The following WDR6 variants were observed in gnomAD, a reference collection of about 807,000 sequenced individuals.
WDR6 encodes the protein tRNA (34-2'-O)-methyltransferase regulator WDR6.
A neutral mutation model predicts 85.6 loss-of-function variants in WDR6; 58 were observed. That is an observed-to-expected ratio of 0.68 (90% CI 0.55 to 0.84). The LOEUF is 0.84. Ranked by LOEUF, WDR6 falls within the 40% of genes least tolerant of loss-of-function variation. The pLI is 0.00. For missense variants in WDR6, 1,310 were observed against 1,476.4 expected, an observed-to-expected ratio of 0.89 and a Z score of 1.85; for synonymous variants, 569 against 582.2, an observed-to-expected ratio of 0.98 and a Z score of 0.33.
chr3:49,014,874 C>T lies in WDR6; in HGVS notation c.2952C>T (p.Asn984=), dbSNP rs1285055606. The T allele has an allele frequency of 1.9e-6, 3 of 1,612,522 alleles. No homozygotes were observed. The highest frequency in any genetic ancestry group is 1.1e-5 in the South Asian group (1 of 90,990). ...LTLQAHSCGI[N]SLHTLPTREG... is the part of the protein sequence containing the mutation. ...TCCAGGCCCACAGCTGTGGTATCAA[C>T]AGCCTGCACACCTTGCCCACCCGTG... The change falls in exon 6 of 6, where the codon AAC becomes AAT. Residue 984 remains asparagine (N), a synonymous_variant. Coordinates refer to ENST00000608424, the MANE Select transcript of WDR6 (RefSeq NM_018031.6). The surrounding 1 kb of genome is among the most constrained non-coding windows in gnomAD (Gnocchi z 4.9).
In WDR6 at chr3:49,015,939, A is replaced by AGAG. The variant is rs2093060922; in HGVS notation, c.*652_*654dup. ...TGTGCCCCAGGCCAGAATAAAGAATAGAGTGTAGAGTGTCCTGGTTGTCTA... is the reference window on the plus strand; with the variant it reads ...TGTGCCCCAGGCCAGAATAAAGAATAGAGGAGTGTAGAGTGTCCTGGTTGTCTA... On this transcript the variant is annotated 3_prime_UTR_variant, in exon 6 of 6. Transcript: ENST00000608424. 5 of 1,614,074 alleles carry AGAG rather than the reference A, an allele frequency of 3.1e-6. No homozygotes were observed. Among genetic ancestry groups the AGAG allele is most frequent in the African/African-American group, 1.3e-5 (1 of 74,926 alleles).
Position 49,014,801 on chromosome 3 carries a change from A to T in WDR6, c.2903-24A>T. ...ACATGTGGCAGGCGGGGCCCTGACA[A>T]CTACCCTCTTCCTCTTCCTTCAGGG... On this transcript the variant is annotated intron_variant, in intron 5 of 5. Transcript: ENST00000608424. This position sits in a 1 kb window ranked among gnomAD's most constrained non-coding sequence, Gnocchi z 4.9. 1 of 1,602,262 alleles carries T rather than the reference A, an allele frequency of 6.2e-7. No individual in the cohort carries two copies. The highest frequency in any genetic ancestry group is 8.5e-7 in the Non-Finnish European group (1 of 1,172,474).
rs2093028424 is a variant in WDR6 at position 49,013,308 on chromosome 3, T to C, written c.1774T>C (p.Tyr592His). The C allele has an allele frequency of 2.5e-6, 4 of 1,614,146 alleles. No individual in the cohort carries two copies. The highest frequency in any genetic ancestry group is 3.4e-6 in the Non-Finnish European group (4 of 1,180,008). ...VYTTGRDGAY[Y>H]QLFVRDGQLQ... ...TACCACAGGGCGTGATGGAGCCTACTACCAGCTGTTTGTACGAGACGGCCA... is the reference window on the plus strand; with the variant it reads ...TACCACAGGGCGTGATGGAGCCTACCACCAGCTGTTTGTACGAGACGGCCA... Residue 592 changes from tyrosine (Y) to histidine (H), a missense_variant, in exon 2 of 6, where the codon TAC becomes CAC. Tyr to His is a moderately conservative substitution (Grantham distance 83, BLOSUM62 2). Transcript: ENST00000608424. This position sits in a 1 kb window ranked among gnomAD's most constrained non-coding sequence, Gnocchi z 4.6.
At position 49,015,535 on chromosome 3, in the gene WDR6, T is replaced by G. The variant is rs2093051267; in HGVS notation, c.*247T>G. 3.7e-6 allele frequency: 6 copies of G among 1,600,816 alleles called. No individual in the cohort carries two copies. In the South Asian group the frequency reaches 6.7e-5, roughly 18 times the overall value. On this transcript the variant is annotated 3_prime_UTR_variant, in exon 6 of 6. Transcript: ENST00000608424. ...TATTTTGGCCGTGGGTTTTTGCTTT[T>G]TTTCCAGTTGATGACTTTGTGAACA... is the stretch of plus-strand genomic sequence containing the variant.
chr3:49,007,639 G>A lies in WDR6; in HGVS notation c.100+108G>A. Reference sequence around the variant, plus strand: ...GGTGCCCTGAGGAGAAGGACGGGCAGCAGGTTGAGGCCGATCGGAGGTGGG... The same window carrying A: ...GGTGCCCTGAGGAGAAGGACGGGCAACAGGTTGAGGCCGATCGGAGGTGGG... On this transcript the variant is annotated intron_variant, in intron 1 of 5. Coordinates refer to ENST00000608424, the MANE Select transcript of WDR6 (RefSeq NM_018031.6). The surrounding 1 kb of genome is among the most constrained non-coding windows in gnomAD (Gnocchi z 5.1). The A allele has an allele frequency of 7.2e-7, 1 of 1,381,076 alleles. No individual in the cohort carries two copies. Among genetic ancestry groups the A allele is most frequent in the Non-Finnish European group, 9.4e-7 (1 of 1,060,274 alleles). 85.6% of individuals were successfully genotyped at this position (1,381,076 alleles called of 1,614,324 possible).
chr3:49,007,770 G>A lies in WDR6; in HGVS notation c.100+239G>A, dbSNP rs2092991285. On this transcript the variant is annotated intron_variant, in intron 1 of 5. Coordinates refer to ENST00000608424, the MANE Select transcript of WDR6 (RefSeq NM_018031.6). The surrounding 1 kb of genome is among the most constrained non-coding windows in gnomAD (Gnocchi z 5.1). The stretch of plus-strand genomic sequence containing the variant: ...CGGCGCTTCATAAACTTCAGCCCGC[G>A]TGGAAAGGGCGGGTGGAACCGCGGG... 7.8e-6 allele frequency: 9 copies of A among 1,155,500 alleles called. No individual in the cohort carries two copies. The South Asian group carries it at 1.9e-4, about 24-fold the overall frequency. 71.6% of individuals were successfully genotyped at this position (1,155,500 alleles called of 1,614,324 possible). A position where few individuals can be genotyped will look rare whatever the true frequency, so the allele number is the denominator to read the frequency against.
chr3:49,010,135 G>A (rs1481028013), intron 1 of WDR6, among the ~76,000 whole-genome samples: 4 of 152,030 alleles, frequency 2.6e-5, no homozygotes, highest in East Asian at 1.9e-4. Context: ...GGCTGGGCGC[G>A]GTGGCTCACG....
At chr3:49,011,175 G>A in intron 1 of WDR6, 5 of 421,186 alleles carry the variant, frequency 1.2e-5, no homozygotes, top group South Asian at 6.9e-5. Flanking sequence ...ACCTCCACCC[G>A]CTGGGTTCAA....
Position 49,013,657 on chromosome 3 carries a change from A to C in WDR6, c.2123A>C (p.Lys708Thr). The part of the protein sequence containing the change: ...GLHGREITCV[K>T]RVGTITLGPE... ...CATGGCCGTGAGATCACTTGTGTAA[A>C]GCGTGTGGGCACCATTACCCTGGGG... Residue 708 changes from lysine to threonine, a missense_variant, in exon 2 of 6, where the codon AAG becomes ACG. Coordinates refer to ENST00000608424, the MANE Select transcript of WDR6 (RefSeq NM_018031.6). This position sits in a 1 kb window ranked among gnomAD's most constrained non-coding sequence, Gnocchi z 4.6. 6.2e-7 allele frequency: 1 copy of C among 1,614,082 alleles called. No homozygotes were observed. The highest frequency in any genetic ancestry group is 8.5e-7 in the Non-Finnish European group (1 of 1,179,986).
chr3:49,013,054 T>G lies in WDR6; in HGVS notation c.1520T>G (p.Val507Gly). The G allele has an allele frequency of 6.2e-7, 1 of 1,611,956 alleles. No individual in the cohort carries two copies. The highest frequency in any genetic ancestry group is 1.3e-5 in the African/African-American group (1 of 74,932). Residue 507 changes from valine (V) to glycine (G), a missense_variant, in exon 2 of 6, where the codon GTG becomes GGG. Physicochemically the swap from Val to Gly is moderately radical, Grantham distance 109. Transcript: ENST00000608424. This position sits in a 1 kb window ranked among gnomAD's most constrained non-coding sequence, Gnocchi z 4.6. ...TTCCTACCCCCAGGTGACTTCCTGG[T>G]GTGTGGTGACCGCCGGGGCTCTGTG... Reference protein sequence around the residue: ...SAFLPPGDFLVCGDRRGSVLL... With the variant: ...SAFLPPGDFLGCGDRRGSVLL...
chr3:49,012,378 G>T lies in WDR6; in HGVS notation c.844G>T (p.Val282Leu). 1 of 1,614,180 alleles carries T rather than the reference G, an allele frequency of 6.2e-7. No homozygotes were observed. The highest frequency in any genetic ancestry group is 8.5e-7 in the Non-Finnish European group (1 of 1,180,030). ...ISAGEDCVCL[V>L]WSHEGEILQA... The stretch of plus-strand genomic sequence containing the variant: ...TGCAGGAGAGGATTGTGTCTGCTTG[G>T]TGTGGAGCCATGAAGGTGAGATCCT... Residue 282 changes from valine to leucine, a missense_variant, in exon 2 of 6, where the codon GTG (valine) becomes TTG (leucine). Physicochemically the swap from Val to Leu is conservative, Grantham distance 32. Transcript: ENST00000608424. The surrounding 1 kb of genome is among the most constrained non-coding windows in gnomAD (Gnocchi z 4.4).
rs1294790826 is a variant in WDR6 at position 49,012,373 on chromosome 3, G to C, written c.839G>C (p.Cys280Ser). The change falls in exon 2 of 6, where the codon TGC (cysteine) becomes TCC (serine). Residue 280 changes from cysteine to serine, a missense_variant. Cys to Ser is a moderately radical substitution (Grantham distance 112). Coordinates refer to ENST00000608424, the MANE Select transcript of WDR6 (RefSeq NM_018031.6). This position sits in a 1 kb window ranked among gnomAD's most constrained non-coding sequence, Gnocchi z 4.4. The part of the protein sequence containing the change: ...YLISAGEDCV[C>S]LVWSHEGEIL... ...ATCAGTGCAGGAGAGGATTGTGTCT[G>C]CTTGGTGTGGAGCCATGAAGGTGAG... is the stretch of plus-strand genomic sequence containing the variant. 13 of 1,614,080 alleles carry C rather than the reference G, an allele frequency of 8.1e-6. No homozygotes were observed. Among genetic ancestry groups the C allele is most frequent in the Non-Finnish European group, 1.1e-5 (13 of 1,180,050 alleles).
chr3:49,013,600 C>T lies in WDR6; in HGVS notation c.2066C>T (p.Thr689Ile), dbSNP rs1559897800. The T allele has an allele frequency of 1.2e-6, 2 of 1,614,076 alleles. No individual in the cohort carries two copies. The highest frequency in any genetic ancestry group is 1.7e-6 in the Non-Finnish European group (2 of 1,180,000). Residue 689 changes from threonine to isoleucine, a missense_variant, in exon 2 of 6, where the codon ACC becomes ATC. Physicochemically the swap from Thr to Ile is moderately conservative, Grantham distance 89 (BLOSUM62 -1). Coordinates refer to ENST00000608424, the MANE Select transcript of WDR6 (RefSeq NM_018031.6). This position sits in a 1 kb window ranked among gnomAD's most constrained non-coding sequence, Gnocchi z 4.6. ...CTGTACAGGGCTCTGGGTGGCTGCACCCGGCCACACGTGATTCTCCGGGAG... is the reference window on the plus strand; with the variant it reads ...CTGTACAGGGCTCTGGGTGGCTGCATCCGGCCACACGTGATTCTCCGGGAG... ...VMLYRALGGC[T>I]RPHVILREGL...
At position 49,015,832 on chromosome 3, in the gene WDR6, G is replaced by C; in HGVS notation, c.*544G>C. 4 of 1,614,178 alleles carry C rather than the reference G, an allele frequency of 2.5e-6. No homozygotes were observed. The highest frequency in any genetic ancestry group is 3.4e-6 in the Non-Finnish European group (4 of 1,180,040). The stretch of plus-strand genomic sequence containing the variant: ...CAGGATGTGTACCCGGTTGTAGTAG[G>C]AGCTGAAATCCATGCTGAGCTGTAC... On this transcript the variant is annotated 3_prime_UTR_variant, in exon 6 of 6. Coordinates refer to ENST00000608424, the MANE Select transcript of WDR6 (RefSeq NM_018031.6).
chr3:49,007,506 G>A lies in WDR6; in HGVS notation c.75G>A (p.Glu25=). The change falls in exon 1 of 6, where the codon GAG becomes GAA. Residue 25 remains glutamate, a synonymous_variant. Coordinates refer to ENST00000608424, the MANE Select transcript of WDR6 (RefSeq NM_018031.6). This position sits in a 1 kb window ranked among gnomAD's most constrained non-coding sequence, Gnocchi z 5.1. ...ELILLPVTGL[E]CVGDRLLAGE... ...TACTCCTCCCAGTGACGGGTCTGGA[G>A]TGCGTGGGGGACCGGCTGTTGGCGG... 6.2e-7 allele frequency: 1 copy of A among 1,601,398 alleles called. No homozygotes were observed. The highest frequency in any genetic ancestry group is 1.1e-5 in the South Asian group (1 of 90,698).
At chr3:49,008,231 A>G (rs144428379) in intron 1 of WDR6, 23 of 152,432 alleles carry the variant, frequency 1.5e-4, no homozygotes, top group African/African-American at 5.1e-4. Context: ...CCGGGTCGCA[A>G]AGGACAGGCG....
In WDR6 at chr3:49,011,972, G is replaced by A. The variant is rs1025693168; in HGVS notation, c.438G>A (p.Gly146=). The change falls in exon 2 of 6, where the codon GGG becomes GGA. Residue 146 remains glycine, a synonymous_variant. Coordinates refer to ENST00000608424, the MANE Select transcript of WDR6 (RefSeq NM_018031.6). ...TGGTGCTATATGACCCTGTAGTAGG[G>A]TGCATCCTGCAAGAGGTGCCCTGCA... ...NSVVLYDPVV[G]CILQEVPCTD... is the part of the protein sequence containing the mutation. The A allele has an allele frequency of 6.2e-7, 1 of 1,614,204 alleles. No homozygotes were observed. Among genetic ancestry groups the A allele is most frequent in the Non-Finnish European group, 8.5e-7 (1 of 1,180,030 alleles).
Position 49,012,829 on chromosome 3 carries a change from C to T in WDR6, c.1295C>T (p.Thr432Ile), listed in dbSNP as rs781379994. 13 of 1,613,724 alleles carry T rather than the reference C, an allele frequency of 8.1e-6. No individual in the cohort carries two copies. The South Asian group carries it at 1.4e-4, about 18-fold the overall frequency. Residue 432 changes from threonine to isoleucine, a missense_variant, in exon 2 of 6, where the codon ACC (threonine) becomes ATC (isoleucine). Physicochemically the swap from Thr to Ile is moderately conservative, Grantham distance 89. Transcript: ENST00000608424. The surrounding 1 kb of genome is among the most constrained non-coding windows in gnomAD (Gnocchi z 4.4). ...INTPTAAVDQ[T>I]LFPGKVHSLS... ...ACTCCAACTGCTGCTGTGGACCAGA[C>T]CCTGTTTCCTGGGAAGGTGCACAGC...
intron 1 of WDR6, 161 bp from the exon 2 acceptor site, chr3:49,011,474 C>T (rs769030316): frequency 1.3e-5 from 21 of 1,598,492 alleles, no homozygotes; most frequent in South Asian, 6.7e-5. Context: ...GCCACCGCAC[C>T]CGGCCGAGAC....
Sources: allele counts gnomAD v4.1 joint callset (sites outside exome capture counted in the v4.1 genomes callset), GRCh38; gene constraint gnomAD v4.1.1; non-coding constraint Gnocchi (gnomAD v3.1); transcripts MANE v1.5; gene names NCBI Gene and HGNC (gene_info 2026-07-23, HGNC 2026-07-21).